SEMA3D: variants seen among roughly 807,000 people sequenced by gnomAD.
SEMA3D encodes the protein semaphorin-3D.
In SEMA3D, 84 loss-of-function variants were observed where a neutral mutation model predicts 100.1. That is an observed-to-expected ratio of 0.84 (90% CI 0.70 to 1.01). The LOEUF (loss-of-function observed/expected upper bound fraction) is 1.01, where lower values mean the gene tolerates loss of function less well. Ranked by LOEUF, SEMA3D falls within the 50% of genes least tolerant of loss-of-function variation. The pLI, the probability that SEMA3D is intolerant of heterozygous loss-of-function variation, is 0.00. For missense variants in SEMA3D, 875 were observed against 934.1 expected (o/e 0.94, Z 0.82); for synonymous variants, 312 against 320.7 (o/e 0.97, Z 0.29).
At chr7:85,052,947 C>T (rs1055802089) in intron 9 of SEMA3D, among the ~76,000 whole-genome samples, 1 of 151,922 alleles carries the variant, frequency 6.6e-6, no homozygotes, top group African/African-American at 2.4e-5. Flanking sequence ...CCCCACCAAT[C>T]ACAGTATACT....
At chr7:85,219,448 G>A in the SEMA3D span, among the ~76,000 whole-genome samples, 1 of 127,412 alleles carries the variant, frequency 7.8e-6, no homozygotes, top group South Asian at 2.9e-4. Context: ...AATATAAAAT[G>A]AAAGACATTT....
At chr7:85,110,847 T>C (rs916426753) in intron 3 of SEMA3D, among the ~76,000 whole-genome samples, 5 of 152,046 alleles carry the variant, frequency 3.3e-5, no homozygotes, top group Admixed American at 2.6e-4. Context: ...AAGAGAATTA[T>C]CTATAGTCAA....
At chr7:85,237,963 A>G in the SEMA3D span, among the ~76,000 whole-genome samples, 1 of 152,188 alleles carries the variant, frequency 6.6e-6, no homozygotes, top group Non-Finnish European at 1.5e-5. Context: ...TGGCCATTCT[A>G]AAATATGTGT....
intron 3 of SEMA3D, among the ~76,000 whole-genome samples, chr7:85,106,677 G>A (rs776155972): frequency 2.0e-5 from 3 of 151,964 alleles, no homozygotes; most frequent in Non-Finnish European, 4.4e-5. Flanking sequence ...AGAAATACCC[G>A]AGTCTGGGCA....
chr7:85,226,717 G>A, the SEMA3D span, among the ~76,000 whole-genome samples: 1 of 152,022 alleles, frequency 6.6e-6, no homozygotes, highest in South Asian at 2.1e-4. Flanking sequence ...TATAAGAAAT[G>A]TCTTTGTTGC....
At chr7:85,050,212 G>T (rs1035685843) in intron 9 of SEMA3D, 2 of 151,700 alleles carry the variant, frequency 1.3e-5, no homozygotes, top group Non-Finnish European at 2.9e-5. Flanking sequence ...TTTTCAGTGG[G>T]TTTATTTCAT....
Position 84,996,632 on chromosome 7 carries a change from A to G in SEMA3D, c.*2808T>C, listed in dbSNP as rs2115673601. 1 of 152,586 alleles carries G rather than the reference A, an allele frequency of 6.6e-6. No individual in the cohort carries two copies. The highest frequency in any genetic ancestry group is 6.5e-5 in the Admixed American group (1 of 15,282). The allele number at this position is 152,586 out of a possible 1,614,324, so 9.5% of individuals were successfully genotyped here. On this transcript the variant is annotated 3_prime_UTR_variant, in exon 19 of 19. Transcript: ENST00000284136. ...ATAAGTTGAATGTAAATGAATGCAG[A>G]CATGCGGGATTCTATTTAGCAGCAT...
chr7:85,058,545 A>G (rs1393366642), intron 8 of SEMA3D, among the ~76,000 whole-genome samples: 1 of 152,136 alleles, frequency 6.6e-6, no homozygotes, highest in East Asian at 1.9e-4. Context: ...AAAGAGATAG[A>G]GACCATCCTG....
At chr7:85,227,874 G>T in the SEMA3D span, among the ~76,000 whole-genome samples, 2 of 152,036 alleles carry the variant, frequency 1.3e-5, no homozygotes. Flanking sequence ...ACTCCTTGTG[G>T]TCAATCATAT....
chr7:85,134,238 T>A (rs898710542), intron 2 of SEMA3D, among the ~76,000 whole-genome samples: 3 of 151,982 alleles, frequency 2.0e-5, no homozygotes, highest in African/African-American at 7.2e-5. Flanking sequence ...TGAAAAATAT[T>A]TTTTTAGAAT....
the SEMA3D span, among the ~76,000 whole-genome samples, chr7:85,232,068 G>C: frequency 7.0e-4 from 106 of 152,204 alleles, no homozygotes; most frequent in East Asian, 8.1e-3. Context: ...ACCAGGGTTG[G>C]GACAGAAAAC....
intron 1 of SEMA3D, among the ~76,000 whole-genome samples, chr7:85,179,866 T>C (rs1043128445): frequency 6.6e-6 from 1 of 152,096 alleles, no homozygotes; most frequent in Admixed American, 6.6e-5. Flanking sequence ...TTTCACCGTG[T>C]TAGCCAAGAT....
At position 84,997,981 on chromosome 7, in the gene SEMA3D, T is replaced by C. The variant is rs1023580712; in HGVS notation, c.*1459A>G. On this transcript the variant is annotated 3_prime_UTR_variant, in exon 19 of 19. Transcript: ENST00000284136. ...ACTAACAAAATATGAAAGATGTTTA[T>C]GTTAATATTGTGAGTTTGGTTCTTT... is the stretch of plus-strand genomic sequence containing the variant. The C allele has an allele frequency of 1.3e-5, 2 of 152,152 alleles. No individual in the cohort carries two copies. Among genetic ancestry groups the C allele is most frequent in the East Asian group, 3.8e-4 (2 of 5,196 alleles). The allele number at this position is 152,152 out of a possible 1,614,324, so 9.4% of individuals were successfully genotyped here. A position where few individuals can be genotyped will look rare whatever the true frequency, so the allele number is the denominator to read the frequency against.
the SEMA3D span, among the ~76,000 whole-genome samples, chr7:85,218,204 G>T: frequency 1.4e-3 from 218 of 152,080 alleles, 1 homozygote; most frequent in African/African-American, 5.0e-3. Context: ...GATAAAAAAG[G>T]CAGGAAACTA....
At chr7:85,193,701 C>A in the SEMA3D span, among the ~76,000 whole-genome samples, 1 of 152,044 alleles carries the variant, frequency 6.6e-6, no homozygotes, top group African/African-American at 2.4e-5. Flanking sequence ...GTTCACAGTT[C>A]AGGGGCACAA....
At chr7:85,040,357 T>G (rs1238069222) in intron 11 of SEMA3D, among the ~76,000 whole-genome samples, 2 of 152,066 alleles carry the variant, frequency 1.3e-5, no homozygotes, top group Admixed American at 1.3e-4. Flanking sequence ...GGAAGGTATA[T>G]GCACAAGTTT....
intron 12 of SEMA3D, chr7:85,028,025 G>A (rs866746436): frequency 3.5e-5 from 20 of 578,308 alleles, no homozygotes; most frequent in African/African-American, 2.6e-4. Context: ...GTGCCAGCAT[G>A]GCTTTTGATG....
At chr7:85,085,140 T>G (rs893273478) in intron 4 of SEMA3D, among the ~76,000 whole-genome samples, 1 of 152,174 alleles carries the variant, frequency 6.6e-6, no homozygotes, top group African/African-American at 2.4e-5. Context: ...CTTTTTTTGT[T>G]TGTTTTAGAT....
chr7:85,069,073 T>C (rs1791703008), intron 6 of SEMA3D, among the ~76,000 whole-genome samples: 1 of 152,106 alleles, frequency 6.6e-6, no homozygotes, highest in Non-Finnish European at 1.5e-5. Context: ...AACACTACCA[T>C]CCAGCAGAAA....
Sources: allele counts gnomAD v4.1 joint callset (sites outside exome capture counted in the v4.1 genomes callset), GRCh38; gene constraint gnomAD v4.1.1; transcripts MANE v1.5; gene names NCBI Gene and HGNC (gene_info 2026-07-23, HGNC 2026-07-21).